AFG2A: variants seen among roughly 807,000 people sequenced by gnomAD.
AFG2A encodes the protein ATPase family gene 2 protein homolog A.
the AFG2A span, among the ~76,000 whole-genome samples, chr4:122,939,071 C>CTCTCTTTTTTT: frequency 2.6e-5 from 2 of 76,210 alleles, 1 homozygote; most frequent in Non-Finnish European, 4.9e-5. Context: ...GGGATATGTT[C>CTCTCTTTTTTT]TTTCTTTTTT....
At chr4:123,181,118 G>A in the AFG2A span, among the ~76,000 whole-genome samples, 2 of 151,808 alleles carry the variant, frequency 1.3e-5, no homozygotes, top group African/African-American at 4.8e-5. Context: ...CCAAGTAGGT[G>A]GGACTACAGG....
chr4:123,009,766 A>G, the AFG2A span, among the ~76,000 whole-genome samples: 1 of 152,216 alleles, frequency 6.6e-6, no homozygotes, highest in Non-Finnish European at 1.5e-5. Context: ...GAGGAAAACC[A>G]GACATGAAGT....
chr4:122,985,286 C>T, the AFG2A span, among the ~76,000 whole-genome samples: 21 of 152,006 alleles, frequency 1.4e-4, no homozygotes, highest in South Asian at 2.1e-4. Flanking sequence ...TGTGCCATCA[C>T]GCCTGGCTAA....
the AFG2A span, among the ~76,000 whole-genome samples, chr4:122,988,347 A>C: frequency 2.0e-4 from 30 of 150,908 alleles, no homozygotes; most frequent in African/African-American, 7.3e-4. Context: ...AATACACTAA[A>C]ACAAATTATA....
At chr4:123,145,092 C>T in the AFG2A span, among the ~76,000 whole-genome samples, 1 of 152,056 alleles carries the variant, frequency 6.6e-6, no homozygotes, top group Non-Finnish European at 1.5e-5. Context: ...CAGAGATTCA[C>T]TCTCTTCCTG....
chr4:123,129,604 G>T, the AFG2A span, among the ~76,000 whole-genome samples: 2 of 151,956 alleles, frequency 1.3e-5, no homozygotes, highest in Non-Finnish European at 2.9e-5. Flanking sequence ...TTTGTTTTAC[G>T]TGACACAGTA....
the AFG2A span, chr4:122,935,724 C>T: frequency 6.3e-7 from 1 of 1,598,970 alleles, no homozygotes; most frequent in East Asian, 2.2e-5. Flanking sequence ...GAATTCCTGC[C>T]CCTAGAGGAG....
chr4:122,933,037 A>G, the AFG2A span, among the ~76,000 whole-genome samples: 3 of 152,224 alleles, frequency 2.0e-5, no homozygotes, highest in East Asian at 3.8e-4. Context: ...ACACATCCAT[A>G]GATAATAGTG....
the AFG2A span, among the ~76,000 whole-genome samples, chr4:123,076,804 C>G: frequency 6.6e-6 from 1 of 152,088 alleles, no homozygotes; most frequent in Admixed American, 6.6e-5. Context: ...TCAGACCTAT[C>G]TACTGAGTAC....
chr4:123,020,100 C>T, the AFG2A span, among the ~76,000 whole-genome samples: 3 of 151,970 alleles, frequency 2.0e-5, no homozygotes, highest in Admixed American at 2.0e-4. Context: ...TCCCCATCTG[C>T]GTCATGCTTT....
chr4:123,225,104 G>A, the AFG2A span, among the ~76,000 whole-genome samples: 2 of 152,140 alleles, frequency 1.3e-5, no homozygotes, highest in East Asian at 1.9e-4. Context: ...GTAAATTCTG[G>A]ATATTAGCCC....
the AFG2A span, among the ~76,000 whole-genome samples, chr4:123,265,143 A>C: frequency 1.3e-5 from 2 of 152,116 alleles, no homozygotes; most frequent in Non-Finnish European, 2.9e-5. Context: ...GTAGAAAAGA[A>C]AATTTTACAT....
the AFG2A span, among the ~76,000 whole-genome samples, chr4:122,965,652 C>T: frequency 1.3e-5 from 2 of 152,144 alleles, no homozygotes; most frequent in African/African-American, 4.8e-5. Flanking sequence ...AGCAGTATTG[C>T]TTCTGCATTT....
At chr4:123,318,110 A>G in the AFG2A span, 2 of 152,230 alleles carry the variant, frequency 1.3e-5, no homozygotes, top group Non-Finnish European at 2.9e-5. Context: ...ACTCAATTCC[A>G]TGAATTTACA....
the AFG2A span, among the ~76,000 whole-genome samples, chr4:123,188,291 A>G: frequency 6.6e-6 from 1 of 152,168 alleles, no homozygotes; most frequent in Non-Finnish European, 1.5e-5. Flanking sequence ...GATTTTCATT[A>G]TAATATTAAA....
the AFG2A span, among the ~76,000 whole-genome samples, chr4:123,188,219 T>C: frequency 2.0e-5 from 3 of 152,266 alleles, no homozygotes; most frequent in Admixed American, 6.5e-5. Flanking sequence ...CCTTAATAGA[T>C]GCATTCCTAC....
the AFG2A span, among the ~76,000 whole-genome samples, chr4:122,987,861 A>C: frequency 6.6e-6 from 1 of 152,080 alleles, no homozygotes; most frequent in African/African-American, 2.4e-5. Context: ...GTACTATACT[A>C]TTACAGTATT....
chr4:122,959,662 T>G, the AFG2A span, among the ~76,000 whole-genome samples: 2 of 152,228 alleles, frequency 1.3e-5, no homozygotes, highest in Non-Finnish European at 2.9e-5. Context: ...TTCCTGATTG[T>G]TTCTGTAATC....
the AFG2A span, among the ~76,000 whole-genome samples, chr4:122,972,974 A>G: frequency 4.6e-4 from 70 of 152,186 alleles, no homozygotes; most frequent in African/African-American, 1.6e-3. Flanking sequence ...TATCTTCTAT[A>G]TATTCTTTTT....
Sources: gnomAD v4.1 joint callset for allele counts (sites outside exome capture counted in the v4.1 genomes callset) on GRCh38, gnomAD v4.1.1 for gene constraint, MANE v1.5 for transcripts, NCBI Gene and HGNC (gene_info 2026-07-23, HGNC 2026-07-21) for gene names.